The following VEGFC variants were observed in gnomAD, a reference collection of about 807,000 sequenced individuals.
The protein encoded by VEGFC is FLT4 ligand DHM.
VEGFC carries 12 observed loss-of-function variants against 46.1 expected under a neutral mutation model. The observed-to-expected ratio is 0.26, with a 90% confidence interval of 0.17 to 0.42. The LOEUF is 0.42. Ranked by LOEUF, VEGFC falls within the 10% of genes least tolerant of loss-of-function variation. VEGFC has a pLI of 1.00. For synonymous variants in VEGFC, 232 were observed against 195.5 expected (o/e 1.19, Z -1.56); for missense variants, 488 against 529.4 (o/e 0.92, Z 0.77).
intron 3 of VEGFC, among the ~76,000 whole-genome samples, chr4:176,726,754 C>T (rs1734879935): frequency 6.6e-6 from 1 of 152,124 alleles, no homozygotes; most frequent in South Asian, 2.1e-4. Flanking sequence ...GGTTTTATTA[C>T]TGAAAACCAT....
chr4:176,692,816 AC>A (rs1365198882), intron 4 of VEGFC, among the ~76,000 whole-genome samples: 2 of 145,170 alleles, frequency 1.4e-5, no homozygotes, highest in Non-Finnish European at 1.5e-5. Flanking sequence ...TGGGTCCCTG[AC>A]CCCTGACCCC....
At chr4:176,740,414 AT>A (rs1364135467) in intron 1 of VEGFC, among the ~76,000 whole-genome samples, 29 of 93,536 alleles carry the variant, frequency 3.1e-4, no homozygotes, top group East Asian at 6.3e-4. Flanking sequence ...AGTTATATAT[AT>A]TCTATATATA....
At chr4:176,717,154 C>CA (rs1306351339) in intron 3 of VEGFC, among the ~76,000 whole-genome samples, 2 of 151,470 alleles carry the variant, frequency 1.3e-5, no homozygotes, top group South Asian at 2.1e-4. Context: ...ATGTAGGACA[C>CA]AAAAAAAGTT....
intron 1 of VEGFC, among the ~76,000 whole-genome samples, chr4:176,748,060 T>A (rs1735285707): frequency 6.6e-6 from 1 of 152,050 alleles, no homozygotes; most frequent in South Asian, 2.1e-4. Flanking sequence ...AGGCATTCAA[T>A]ATGTATATAA....
chr4:176,725,084 A>G (rs1364074673), intron 3 of VEGFC, among the ~76,000 whole-genome samples: 1 of 152,242 alleles, frequency 6.6e-6, no homozygotes, highest in African/African-American at 2.4e-5. Flanking sequence ...TGTTCCCAAT[A>G]GAAAGAAAAG....
intron 4 of VEGFC, among the ~76,000 whole-genome samples, chr4:176,706,354 C>T (rs1027604913): frequency 1.3e-5 from 2 of 151,916 alleles, no homozygotes; most frequent in Non-Finnish European, 2.9e-5. Flanking sequence ...TTTGGCTGGG[C>T]GTGGTGGCTC....
rs955928170 is a variant in VEGFC, at chr4:176,683,847, T to G, written c.*79A>C. The G allele has an allele frequency of 3.4e-6, 4 of 1,175,448 alleles. No homozygotes were observed. The African/African-American group carries it at 4.5e-5, about 13-fold the overall frequency. 72.8% of individuals were successfully genotyped at this position (1,175,448 alleles called of 1,614,324 possible). A position where few individuals can be genotyped will look rare whatever the true frequency, so the allele number is the denominator to read the frequency against. On this transcript the variant is annotated 3_prime_UTR_variant, in exon 7 of 7. Coordinates refer to ENST00000618562, the MANE Select transcript of VEGFC (RefSeq NM_005429.5). ...TTGTTAGCATGGACCCACAAGGGTC[T>G]CTCTGTTCACAGACAGTTCTACTGT...
At chr4:176,690,267 T>A (rs1339173193) in intron 4 of VEGFC, among the ~76,000 whole-genome samples, 1 of 152,136 alleles carries the variant, frequency 6.6e-6, no homozygotes, top group Non-Finnish European at 1.5e-5. Flanking sequence ...TATGTAATTA[T>A]CAGAGTTAAG....
At chr4:176,705,158 C>G (rs967182043) in intron 4 of VEGFC, among the ~76,000 whole-genome samples, 3 of 152,034 alleles carry the variant, frequency 2.0e-5, no homozygotes, top group African/African-American at 4.8e-5. Flanking sequence ...TTTCCTAATA[C>G]AGTATTATAG....
At chr4:176,786,828 T>C (rs1421010309) in intron 1 of VEGFC, among the ~76,000 whole-genome samples, 1 of 152,208 alleles carries the variant, frequency 6.6e-6, no homozygotes, top group African/African-American at 2.4e-5. Flanking sequence ...ATGGCTTCTT[T>C]CTTGAATTCC....
Position 176,753,071 on chromosome 4 carries a change from G to A in VEGFC, c.148-23325C>T, listed in dbSNP as rs143344273. Among the ~76,000 whole-genome samples the A allele has an allele frequency of 6.6e-4, 101 of 152,150 alleles. 1 individual carries two copies. The highest frequency in any genetic ancestry group is 3.4e-3 in the Middle Eastern group (1 of 294). On this transcript the variant is annotated intron_variant, in intron 1 of 6. Coordinates refer to ENST00000618562, the MANE Select transcript of VEGFC (RefSeq NM_005429.5). The stretch of plus-strand genomic sequence containing the variant: ...CTACAAGGAGGAGAAATTTTGCCCC[G>A]CCTCTCCTACCTCTAGCCTGATCCT...
chr4:176,684,434 A>T (rs1028636442), intron 6 of VEGFC, among the ~76,000 whole-genome samples: 2 of 152,202 alleles, frequency 1.3e-5, no homozygotes, highest in African/African-American at 4.8e-5. Context: ...TATGGGACCC[A>T]GACTTCCAGG....
intron 4 of VEGFC, among the ~76,000 whole-genome samples, chr4:176,702,994 C>T (rs1734461068): frequency 6.6e-6 from 1 of 152,072 alleles, no homozygotes; most frequent in African/African-American, 2.4e-5. Flanking sequence ...CAAAGCTGCA[C>T]TGTATAATAT....
At chr4:176,746,258 G>C (rs1015297348) in intron 1 of VEGFC, among the ~76,000 whole-genome samples, 3 of 151,930 alleles carry the variant, frequency 2.0e-5, no homozygotes, top group African/African-American at 7.3e-5. Context: ...CCAGGTCCAG[G>C]GGTAGAGAAA....
intron 1 of VEGFC, among the ~76,000 whole-genome samples, chr4:176,758,542 G>T (rs895202860): frequency 1.3e-5 from 2 of 152,160 alleles, no homozygotes; most frequent in East Asian, 3.9e-4. Context: ...ATTAAATGTG[G>T]TTATCAATCT....
At chr4:176,730,937 A>C (rs1416843385) in intron 1 of VEGFC, among the ~76,000 whole-genome samples, 2 of 152,124 alleles carry the variant, frequency 1.3e-5, no homozygotes, top group African/African-American at 4.8e-5. Flanking sequence ...ATAAAAGTCA[A>C]TTATTAATAT....
intron 1 of VEGFC, among the ~76,000 whole-genome samples, chr4:176,790,469 G>C (rs1039449475): frequency 6.6e-6 from 1 of 152,036 alleles, no homozygotes; most frequent in Non-Finnish European, 1.5e-5. Flanking sequence ...AGACACTTTT[G>C]AAAGTTAAAA....
At chr4:176,687,615 T>G (rs764268861) in intron 5 of VEGFC, 95 bp from the exon 6 acceptor site, 7 of 1,294,256 alleles carry the variant, frequency 5.4e-6, no homozygotes, top group African/African-American at 1.5e-5. Flanking sequence ...TTTTGTATGT[T>G]TTCCATCAAA....
rs1309140261 is a variant in VEGFC at position 176,728,927 on chromosome 4, C to CT, written c.361+605dup. Among the ~76,000 whole-genome samples, 7 of 152,248 alleles carry CT rather than the reference C, an allele frequency of 4.6e-5. No individual in the cohort carries two copies. The East Asian group carries it at 1.4e-3, about 29-fold the overall frequency. On this transcript the variant is annotated intron_variant, in intron 2 of 6. Transcript: ENST00000618562. ...GTGTTGTTCAGGCTGGTCTCTGACT[C>CT]TGGCTTCAAGCAATCCTCCCACTTT...
Sources: allele counts gnomAD v4.1 joint callset (sites outside exome capture counted in the v4.1 genomes callset), GRCh38; gene constraint gnomAD v4.1.1; transcripts MANE v1.5; gene names NCBI Gene and HGNC (gene_info 2026-07-23, HGNC 2026-07-21).